The following NR2F1-AS1 variants were observed in gnomAD, a reference collection of about 807,000 sequenced individuals.
NR2F1-AS1 encodes NR2F1 antisense RNA 1.
At chr5:93,515,578 T>C (rs547837409) in intron 4 of NR2F1-AS1, among the ~76,000 whole-genome samples, 43 of 152,066 alleles carry the variant, frequency 2.8e-4, no homozygotes, top group Middle Eastern at 3.4e-3. Context: ...AAACCATGTC[T>C]ATTTTTACAT....
chr5:93,561,831 T>C (rs1298374145), intron 2 of NR2F1-AS1, among the ~76,000 whole-genome samples: 4 of 152,040 alleles, frequency 2.6e-5, no homozygotes, highest in Non-Finnish European at 5.9e-5. Flanking sequence ...TGAAAACATG[T>C]TTTGCCTTTA....
intron 4 of NR2F1-AS1, among the ~76,000 whole-genome samples, chr5:93,433,547 A>G (rs1241595627): frequency 6.6e-6 from 1 of 152,220 alleles, no homozygotes; most frequent in African/African-American, 2.4e-5. Context: ...ATGCATTGTC[A>G]GGCAATTTCA....
chr5:93,500,398 T>C (rs1159104141), intron 4 of NR2F1-AS1, among the ~76,000 whole-genome samples: 3 of 152,066 alleles, frequency 2.0e-5, no homozygotes, highest in African/African-American at 7.2e-5. Flanking sequence ...AAAACTTAGA[T>C]GACAGTACAT....
chr5:93,529,580 T>G (rs1212490972), intron 4 of NR2F1-AS1, among the ~76,000 whole-genome samples: 1 of 152,142 alleles, frequency 6.6e-6, no homozygotes, highest in Non-Finnish European at 1.5e-5. Flanking sequence ...GGTAAATTAT[T>G]TAATCATATG....
intron 4 of NR2F1-AS1, among the ~76,000 whole-genome samples, chr5:93,513,831 T>C (rs1170520467): frequency 2.6e-5 from 4 of 152,084 alleles, no homozygotes; most frequent in Non-Finnish European, 5.9e-5. Context: ...TTCTTTAATG[T>C]CTCCTGGAAT....
At chr5:93,427,343 A>C (rs559571767) in intron 4 of NR2F1-AS1, among the ~76,000 whole-genome samples, 1 of 152,302 alleles carries the variant, frequency 6.6e-6, no homozygotes, top group South Asian at 2.1e-4. Context: ...ATTTTCCAAA[A>C]TCCAAGCAAG....
At chr5:93,536,912 C>G (rs1276816405) in intron 4 of NR2F1-AS1, among the ~76,000 whole-genome samples, 2 of 152,190 alleles carry the variant, frequency 1.3e-5, no homozygotes. Flanking sequence ...GTGAGTGGGT[C>G]TCATGAGATC....
intron 4 of NR2F1-AS1, among the ~76,000 whole-genome samples, chr5:93,533,954 C>G (rs1042690354): frequency 1.3e-5 from 2 of 152,050 alleles, no homozygotes; most frequent in Non-Finnish European, 2.9e-5. Context: ...CATAGTGAAA[C>G]TGTCTGAAAT....
chr5:93,451,701 C>T (rs1174425461), intron 4 of NR2F1-AS1, among the ~76,000 whole-genome samples: 1 of 152,168 alleles, frequency 6.6e-6, no homozygotes, highest in Non-Finnish European at 1.5e-5. Context: ...CTGCACCTGG[C>T]CTGACTATAA....
chr5:93,527,506 C>G (rs574831476), intron 4 of NR2F1-AS1, among the ~76,000 whole-genome samples: 5 of 152,272 alleles, frequency 3.3e-5, no homozygotes, highest in South Asian at 2.1e-4. Context: ...CTTTAAACTT[C>G]ATATGGAACC....
At chr5:93,562,984 GA>G (rs2149921021) in intron 2 of NR2F1-AS1, among the ~76,000 whole-genome samples, 1 of 152,286 alleles carries the variant, frequency 6.6e-6, no homozygotes, top group African/African-American at 2.4e-5. Flanking sequence ...ATTGGTAAGA[GA>G]AAATTCTACC....
chr5:93,448,540 C>A (rs1580233285), intron 4 of NR2F1-AS1, among the ~76,000 whole-genome samples: 1 of 152,160 alleles, frequency 6.6e-6, no homozygotes, highest in African/African-American at 2.4e-5. Context: ...TATGCAAAAT[C>A]CAACTCTCTA....
chr5:93,551,619 A>G (rs1468599817), intron 4 of NR2F1-AS1, among the ~76,000 whole-genome samples: 1 of 152,078 alleles, frequency 6.6e-6, no homozygotes, highest in Non-Finnish European at 1.5e-5. Context: ...AACTTTAAAT[A>G]TGATAACAAA....
At chr5:93,569,869 T>C (rs1264901316) in intron 1 of NR2F1-AS1, 1 of 152,200 alleles carries the variant, frequency 6.6e-6, no homozygotes, top group Non-Finnish European at 1.5e-5. Context: ...CTGTTAACAA[T>C]GTCACTCTTC....
chr5:93,442,406 C>A (rs1217164951), intron 4 of NR2F1-AS1, among the ~76,000 whole-genome samples: 1 of 152,170 alleles, frequency 6.6e-6, no homozygotes, highest in Non-Finnish European at 1.5e-5. Context: ...CTGCACCTGG[C>A]TCGGAGGGTC....
intron 4 of NR2F1-AS1, among the ~76,000 whole-genome samples, chr5:93,501,921 T>A (rs554263614): frequency 2.0e-5 from 3 of 152,276 alleles, no homozygotes; most frequent in Admixed American, 1.3e-4. Context: ...TCTTATTTTT[T>A]AAAAATTGCC....
intron 4 of NR2F1-AS1, among the ~76,000 whole-genome samples, chr5:93,453,511 T>C (rs1416639774): frequency 1.3e-5 from 2 of 151,852 alleles, no homozygotes; most frequent in African/African-American, 4.8e-5. Context: ...CATAACATAA[T>C]AATAATATCA....
intron 4 of NR2F1-AS1, among the ~76,000 whole-genome samples, chr5:93,524,458 T>A (rs1282235900): frequency 6.6e-6 from 1 of 152,054 alleles, no homozygotes; most frequent in Non-Finnish European, 1.5e-5. Flanking sequence ...GGAGAACTTG[T>A]CCAACCTAGC....
At chr5:93,505,644 G>C (rs1255521461) in intron 4 of NR2F1-AS1, among the ~76,000 whole-genome samples, 1 of 152,164 alleles carries the variant, frequency 6.6e-6, no homozygotes, top group African/African-American at 2.4e-5. Context: ...CCAAGGCTTG[G>C]GGCTTCCACC....
Sources: gnomAD v4.1 joint callset for allele counts (sites outside exome capture counted in the v4.1 genomes callset) on GRCh38, gnomAD v4.1.1 for gene constraint, MANE v1.5 for transcripts, NCBI Gene and HGNC (gene_info 2026-07-23, HGNC 2026-07-21) for gene names.